Variants in L2HGDH observed in about 807,000 individuals in gnomAD.
The protein encoded by L2HGDH is L-2-hydroxyglutarate dehydrogenase, mitochondrial.
A neutral mutation model predicts 51.5 loss-of-function variants in L2HGDH; 34 were observed. The observed-to-expected ratio is 0.66, with a 90% confidence interval of 0.50 to 0.88. The LOEUF (loss-of-function observed/expected upper bound fraction) is 0.88. L2HGDH is among the 40% of genes least tolerant of loss of function. L2HGDH has a pLI of 0.00. For missense variants in L2HGDH, 558 were observed against 571.9 expected (o/e 0.98, Z 0.25); for synonymous variants, 198 against 197.9 (o/e 1.00, Z -0.01).
chr14:50,263,518 AGC>A (rs1889158694), intron 9 of L2HGDH, among the ~76,000 whole-genome samples: 1 of 152,212 alleles, frequency 6.6e-6, no homozygotes, highest in Non-Finnish European at 1.5e-5. Context: ...TACACAGTCA[AGC>A]CTGCTGACAT....
intron 3 of L2HGDH, among the ~76,000 whole-genome samples, chr14:50,297,907 C>T (rs1407787908): frequency 6.6e-6 from 1 of 150,906 alleles, no homozygotes; most frequent in Admixed American, 6.6e-5. Flanking sequence ...TTGAGACCAA[C>T]TTGAGCAACG....
chr14:50,279,803 G>C (rs897132301), intron 5 of L2HGDH, among the ~76,000 whole-genome samples: 1 of 152,146 alleles, frequency 6.6e-6, no homozygotes, highest in African/African-American at 2.4e-5. Flanking sequence ...GCTTACGCCT[G>C]TAACCCCAGA....
At chr14:50,309,774 C>T (rs1297590178) in intron 1 of L2HGDH, among the ~76,000 whole-genome samples, 2 of 151,634 alleles carry the variant, frequency 1.3e-5, no homozygotes, top group African/African-American at 2.4e-5. Flanking sequence ...CTTCAACCTC[C>T]TGGGCTCAAG....
At chr14:50,275,984 G>C (rs1159419981) in intron 6 of L2HGDH, among the ~76,000 whole-genome samples, 3 of 152,126 alleles carry the variant, frequency 2.0e-5, no homozygotes, top group Non-Finnish European at 1.5e-5. Context: ...GGCCACTTTG[G>C]GTTCCCCTGC....
chr14:50,290,728 A>G (rs1201554038), intron 4 of L2HGDH, among the ~76,000 whole-genome samples: 1 of 151,994 alleles, frequency 6.6e-6, no homozygotes, highest in East Asian at 1.9e-4. Flanking sequence ...CAGTGGCACA[A>G]TCTCCACTCA....
At chr14:50,303,260 A>G (rs557651169) in intron 1 of L2HGDH, among the ~76,000 whole-genome samples, 16 of 152,072 alleles carry the variant, frequency 1.1e-4, no homozygotes, top group Middle Eastern at 3.4e-3. Flanking sequence ...CGTCTCTACT[A>G]AAAATACAAA....
intron 6 of L2HGDH, among the ~76,000 whole-genome samples, chr14:50,270,222 A>C (rs1459161188): frequency 6.6e-6 from 1 of 152,174 alleles, no homozygotes; most frequent in Non-Finnish European, 1.5e-5. Context: ...TTAGGCTGTT[A>C]TGATTTCCTA....
intron 4 of L2HGDH, among the ~76,000 whole-genome samples, chr14:50,288,049 A>G (rs1374308191): frequency 6.6e-6 from 1 of 152,174 alleles, no homozygotes. Context: ...TGTGTCTACA[A>G]TGTGTAATGA....
chr14:50,311,555 C>T (rs932959927), intron 1 of L2HGDH: 50 of 444,964 alleles, frequency 1.1e-4, no homozygotes, highest in Non-Finnish European at 2.7e-5. Flanking sequence ...CAACACTATG[C>T]GGGGTGTGCC....
intron 9 of L2HGDH, among the ~76,000 whole-genome samples, chr14:50,261,650 TA>T (rs943140207): frequency 1.9e-4 from 28 of 144,522 alleles, no homozygotes; most frequent in East Asian, 1.2e-3. Context: ...CCCAGCTAAT[TA>T]AAAAAAAAAA....
At chr14:50,291,670 C>T (rs1890892965) in intron 4 of L2HGDH, among the ~76,000 whole-genome samples, 1 of 152,092 alleles carries the variant, frequency 6.6e-6, no homozygotes, top group African/African-American at 2.4e-5. Context: ...AACTTTACAA[C>T]TAGAGATAAA....
At chr14:50,304,267 G>A (rs79207710) in intron 1 of L2HGDH, among the ~76,000 whole-genome samples, 5,265 of 152,302 alleles carry the variant, frequency 0.035, 294 homozygotes, top group African/African-American at 0.12. Context: ...CATGCAGTCT[G>A]TGGTTGACCA....
intron 9 of L2HGDH, among the ~76,000 whole-genome samples, chr14:50,249,832 G>A (rs189015092): frequency 1.5e-4 from 23 of 149,258 alleles, no homozygotes; most frequent in Admixed American, 8.6e-4. Flanking sequence ...GCCACAGTGA[G>A]GTAGAGCAAC....
At position 50,283,955 on chromosome 14, in the gene L2HGDH, G is replaced by A. The variant is rs1334223314; in HGVS notation, c.619C>T (p.Gln207Ter). Residue 207 changes from glutamine (Q) to a stop codon, truncating the protein, a stop_gained, in exon 5 of 10, where the codon CAA becomes TAA. Coordinates refer to ENST00000267436, the MANE Select transcript of L2HGDH (RefSeq NM_024884.3). LOFTEE classifies it high-confidence loss of function. ...GTCAAGACAGAGCCACCTGCTTCTT[G>A]GAAATCCTGGGCAAATGACAAAGCC... ...QVALSFAQDF[Q>*]EAGGSVLTNF... 6.2e-7 allele frequency: 1 copy of A among 1,613,856 alleles called. No individual in the cohort carries two copies. Among genetic ancestry groups the A allele is most frequent in the African/African-American group, 1.3e-5 (1 of 74,886 alleles).
rs187897617 is a variant in L2HGDH, at chr14:50,301,496, A to C, written c.408+521T>G. Among the ~76,000 whole-genome samples the C allele has an allele frequency of 4.3e-4, 66 of 152,384 alleles. 1 individual carries two copies. The highest frequency in any genetic ancestry group is 1.4e-3 in the African/African-American group (59 of 41,596). On this transcript the variant is annotated intron_variant, in intron 3 of 9. Transcript: ENST00000267436. ...GGAATATTGTTCAGCCATAAAAGAC[A>C]TGAAGTACTGATTCATGCTACAACA...
chr14:50,292,543 C>T (rs7141428), intron 4 of L2HGDH, among the ~76,000 whole-genome samples: 2,393 of 152,030 alleles, frequency 0.016, 63 homozygotes, highest in African/African-American at 0.055. Flanking sequence ...CCTGTCTATA[C>T]GAAAAATACA....
intron 1 of L2HGDH, among the ~76,000 whole-genome samples, chr14:50,304,358 T>C (rs1277020371): frequency 6.6e-6 from 1 of 152,232 alleles, no homozygotes; most frequent in Admixed American, 6.5e-5. Context: ...AAAATTCCAA[T>C]GTAGTACTCT....
chr14:50,266,778 TA>T (rs1473384660), intron 8 of L2HGDH, among the ~76,000 whole-genome samples: 3 of 152,066 alleles, frequency 2.0e-5, no homozygotes, highest in African/African-American at 7.2e-5. Context: ...AGTATAGCTT[TA>T]AATCTAGTGA....
chr14:50,277,619 C>CA (rs1326404882), intron 6 of L2HGDH, among the ~76,000 whole-genome samples: 4 of 151,414 alleles, frequency 2.6e-5, no homozygotes, highest in African/African-American at 9.7e-5. Context: ...ACTAAAAATA[C>CA]AAAAAAATTA....
Sources: allele counts gnomAD v4.1 joint callset (sites outside exome capture counted in the v4.1 genomes callset), GRCh38; gene constraint gnomAD v4.1.1; transcripts MANE v1.5; gene names NCBI Gene and HGNC (gene_info 2026-07-23, HGNC 2026-07-21).